The following SCAI variants were observed in gnomAD, a reference collection of about 807,000 sequenced individuals.
The protein encoded by SCAI is suppressor of cancer cell invasion, also known as protein SCAI.
Under a neutral mutation model 92.2 loss-of-function variants are expected in SCAI, and 24 were observed. The ratio of observed to expected loss-of-function variants is 0.26; its 90% CI spans 0.19 to 0.37. The LOEUF is 0.37. SCAI is among the 10% of genes least tolerant of loss of function. SCAI has a pLI of 1.00. For synonymous variants in SCAI, 261 were observed against 258.6 expected (o/e 1.01, Z -0.09); for missense variants, 450 against 736.2 (o/e 0.61, Z 4.50).
chr9:125,018,971 G>C lies in SCAI; in HGVS notation c.709-20C>G, dbSNP rs367568413. 1.7e-5 allele frequency: 27 copies of C among 1,609,976 alleles called. No individual in the cohort carries two copies. Among genetic ancestry groups the C allele is most frequent in the African/African-American group, 5.3e-5 (4 of 74,848 alleles). Reference sequence around the variant, plus strand: ...ATCCGCCTAAAGAAAAAAGCAATAAGAACTTAACGAATGGCCAAGACTAAA... The same window carrying C: ...ATCCGCCTAAAGAAAAAAGCAATAACAACTTAACGAATGGCCAAGACTAAA... On this transcript the variant is annotated intron_variant, in intron 8 of 17. Transcript: ENST00000336505.
intron 1 of SCAI, among the ~76,000 whole-genome samples, chr9:125,142,912 C>T (rs1240591327): frequency 6.6e-6 from 1 of 152,030 alleles, no homozygotes; most frequent in African/African-American, 2.4e-5. Flanking sequence ...CCTGGTCCCT[C>T]ACCCCATCCT....
intron 9 of SCAI, among the ~76,000 whole-genome samples, chr9:125,013,276 C>G (rs1052916115): frequency 5.3e-5 from 8 of 152,182 alleles, no homozygotes; most frequent in East Asian, 1.9e-4. Flanking sequence ...AATTGATAGA[C>G]TGCTAGCAAG....
chr9:125,012,422 A>G (rs1175774366), intron 9 of SCAI, among the ~76,000 whole-genome samples: 2 of 152,198 alleles, frequency 1.3e-5, no homozygotes, highest in East Asian at 1.9e-4. Context: ...ACAAAGATCA[A>G]AAGAGATAAA....
rs1336927254 is a variant in SCAI at position 124,971,838 on chromosome 9, G to C, written c.1406C>G (p.Ser469Cys). The C allele has an allele frequency of 1.9e-6, 3 of 1,587,096 alleles. No individual in the cohort carries two copies. Among genetic ancestry groups the C allele is most frequent in the Non-Finnish European group, 2.6e-6 (3 of 1,171,444 alleles). The part of the protein sequence containing the change: ...TAYPKALQDQ[S>C]QRGSLFTLFL... ...GAGAGTGAAGAGGCTACCTCGCTGA[G>C]ATTGATCTGTAATAACAAACATGTT... Residue 469 changes from serine to cysteine, a missense_variant, in exon 16 of 18, where the codon TCT becomes TGT. Ser to Cys is a moderately radical substitution (Grantham distance 112). Transcript: ENST00000336505.
chr9:125,045,060 A>G (rs188982566), intron 3 of SCAI, among the ~76,000 whole-genome samples: 2 of 152,262 alleles, frequency 1.3e-5, no homozygotes, highest in Admixed American at 1.3e-4. Flanking sequence ...GTGGGATCTG[A>G]GCCAGTAGCA....
chr9:124,989,372 G>GT, intron 14 of SCAI, among the ~76,000 whole-genome samples: 1 of 152,126 alleles, frequency 6.6e-6, no homozygotes, highest in African/African-American at 2.4e-5. Flanking sequence ...GCCCAGACAG[G>GT]CATTCAAGAC....
intron 3 of SCAI, among the ~76,000 whole-genome samples, chr9:125,052,872 CAA>C (rs36107301): frequency 0.5 from 75,390 of 150,904 alleles, 19,175 homozygotes; most frequent in East Asian, 0.57. Flanking sequence ...TCAAAACCAC[CAA>C]GAGACACCAT....
At chr9:125,058,609 T>G (rs1205456056) in intron 2 of SCAI, among the ~76,000 whole-genome samples, 1 of 152,162 alleles carries the variant, frequency 6.6e-6, no homozygotes, top group Non-Finnish European at 1.5e-5. Context: ...CACACACAGA[T>G]GCATACTCCC....
At chr9:125,039,849 T>C (rs2131106544) in intron 3 of SCAI, among the ~76,000 whole-genome samples, 1 of 152,320 alleles carries the variant, frequency 6.6e-6, no homozygotes, top group East Asian at 1.9e-4. Flanking sequence ...CCAGAGGCAG[T>C]ATGACAGGGA....
At chr9:124,990,565 T>A (rs1339865238) in intron 14 of SCAI, among the ~76,000 whole-genome samples, 2 of 152,004 alleles carry the variant, frequency 1.3e-5, no homozygotes, top group Non-Finnish European at 2.9e-5. Flanking sequence ...GGTAGAAATG[T>A]GAGTTGGGGA....
intron 3 of SCAI, among the ~76,000 whole-genome samples, chr9:125,054,318 A>G (rs185044154): frequency 6.6e-6 from 1 of 152,292 alleles, no homozygotes; most frequent in East Asian, 1.9e-4. Flanking sequence ...GCACACAGAT[A>G]TGTGTTCCTA....
chr9:125,025,154 C>T (rs1241395526), intron 6 of SCAI, among the ~76,000 whole-genome samples: 1 of 152,154 alleles, frequency 6.6e-6, no homozygotes, highest in African/African-American at 2.4e-5. Flanking sequence ...TAAGAAACAA[C>T]CTACAAACTG....
chr9:124,971,490 G>A lies in SCAI; in HGVS notation c.1574-20C>T, dbSNP rs1410930874. On this transcript the variant is annotated intron_variant, in intron 16 of 17. Transcript: ENST00000336505. ...CCTGATCTGCAAAGAGGAGAAAAGT[G>A]ACAGTAAAAAGATGCTTAAATGGAA... is the stretch of plus-strand genomic sequence containing the variant. 3.2e-6 allele frequency: 5 copies of A among 1,569,572 alleles called. No individual in the cohort carries two copies. Among genetic ancestry groups the A allele is most frequent in the Non-Finnish European group, 4.4e-6 (5 of 1,148,174 alleles).
Position 124,942,736 on chromosome 9 carries a change from A to G in SCAI, c.*10071T>C, listed in dbSNP as rs1564350649. The G allele has an allele frequency of 6.6e-6, 1 of 152,244 alleles. No homozygotes were observed. Among genetic ancestry groups the G allele is most frequent in the Non-Finnish European group, 1.5e-5 (1 of 68,044 alleles). 9.4% of individuals were successfully genotyped at this position (152,244 alleles called of 1,614,324 possible). ...ACACATTCCTAGAGAACATTTATCA[A>G]TGTGAAAATTTCTTTAATACACTGA... On this transcript the variant is annotated 3_prime_UTR_variant, in exon 18 of 18. Transcript: ENST00000336505.
At chr9:124,955,864 AT>A (rs1230156503) in intron 17 of SCAI, among the ~76,000 whole-genome samples, 1 of 152,236 alleles carries the variant, frequency 6.6e-6, no homozygotes, top group African/African-American at 2.4e-5. Flanking sequence ...AATTATCAAA[AT>A]TGACTAAGAA....
chr9:125,045,525 G>A lies in SCAI; in HGVS notation c.230+10351C>T, dbSNP rs535659227. Among the ~76,000 whole-genome samples the A allele has an allele frequency of 1.4e-4, 21 of 152,142 alleles. No individual in the cohort carries two copies. The South Asian group carries it at 3.7e-3, about 27-fold the overall frequency. On this transcript the variant is annotated intron_variant, in intron 3 of 17. Transcript: ENST00000336505. ...CAGCTATATTTTTTATTTTGTAGAC[G>A]GGGTCTCACTTTGTTGCCCAGGCTG...
At chr9:124,960,642 A>G in intron 17 of SCAI, among the ~76,000 whole-genome samples, 1 of 152,224 alleles carries the variant, frequency 6.6e-6, no homozygotes, top group East Asian at 1.9e-4. Flanking sequence ...CAATCACAAG[A>G]GTGACAGCCT....
chr9:125,053,109 T>G (rs1833594786), intron 3 of SCAI, among the ~76,000 whole-genome samples: 1 of 152,060 alleles, frequency 6.6e-6, no homozygotes, highest in Non-Finnish European at 1.5e-5. Flanking sequence ...CCGAAGCAGG[T>G]GGATCACCTG....
At chr9:125,069,282 A>G (rs1833931064) in intron 2 of SCAI, among the ~76,000 whole-genome samples, 1 of 152,020 alleles carries the variant, frequency 6.6e-6, no homozygotes, top group African/African-American at 2.4e-5. Context: ...ATTTATGGAA[A>G]TCACATGCTA....
Sources: allele counts gnomAD v4.1 joint callset (sites outside exome capture counted in the v4.1 genomes callset), GRCh38; gene constraint gnomAD v4.1.1; transcripts MANE v1.5; gene names NCBI Gene and HGNC (gene_info 2026-07-23, HGNC 2026-07-21).